Variants in RBFOX1 observed in about 807,000 individuals in gnomAD.
The protein encoded by RBFOX1 is RNA binding protein fox-1 homolog 1.
In RBFOX1, 8 loss-of-function variants were observed where a neutral mutation model predicts 57.7. The ratio of observed to expected loss-of-function variants is 0.14; its 90% CI spans 0.08 to 0.25. The LOEUF is 0.25. Ranked by LOEUF, RBFOX1 falls within the 10% of genes least tolerant of loss-of-function variation. The pLI is 1.00. For missense variants in RBFOX1, 611 were observed against 548.5 expected (o/e 1.11, Z -1.14); for synonymous variants, 326 against 222.4 (o/e 1.47, Z -4.15).
At chr16:6,102,219 G>A (rs1157020702) in intron 1 of RBFOX1, among the ~76,000 whole-genome samples, 1 of 149,026 alleles carries the variant, frequency 6.7e-6, no homozygotes, top group African/African-American at 2.5e-5. Flanking sequence ...GCATTTAGTG[G>A]AAACCTCTAG....
At chr16:7,472,306 A>G (rs1445443522) in intron 4 of RBFOX1, among the ~76,000 whole-genome samples, 1 of 139,654 alleles carries the variant, frequency 7.2e-6, no homozygotes, top group Non-Finnish European at 1.5e-5. Context: ...TGTATTTACC[A>G]AATTACCAAA....
chr16:5,538,977 AG>A (rs1166579662), intron 2 of RBFOX1, among the ~76,000 whole-genome samples: 1 of 152,180 alleles, frequency 6.6e-6, no homozygotes, highest in East Asian at 1.9e-4. Flanking sequence ...TGAAACCCAT[AG>A]CAGCACGGCT....
chr16:5,675,677 G>A (rs1360634454), intron 3 of RBFOX1, among the ~76,000 whole-genome samples: 7 of 152,212 alleles, frequency 4.6e-5, no homozygotes, highest in African/African-American at 1.7e-4. Context: ...CCCAGCCTAT[G>A]GATTTGCAAG....
At chr16:7,373,629 G>A (rs74010678) in intron 4 of RBFOX1, among the ~76,000 whole-genome samples, 1 of 151,812 alleles carries the variant, frequency 6.6e-6, no homozygotes, top group Non-Finnish European at 1.5e-5. Context: ...AGGAAACAGG[G>A]CTTCTGCTAT....
chr16:7,586,873 C>G (rs1332255247), intron 6 of RBFOX1, among the ~76,000 whole-genome samples: 1 of 152,218 alleles, frequency 6.6e-6, no homozygotes, highest in Non-Finnish European at 1.5e-5. Flanking sequence ...ATCAAAATCA[C>G]ATTTCATCAA....
At chr16:7,681,709 T>C (rs1391674134) in intron 14 of RBFOX1, among the ~76,000 whole-genome samples, 2 of 152,122 alleles carry the variant, frequency 1.3e-5, no homozygotes, top group African/African-American at 4.8e-5. Flanking sequence ...TTTATGGACA[T>C]TATGTTTTCA....
At chr16:6,980,733 A>T (rs1230979110) in intron 3 of RBFOX1, among the ~76,000 whole-genome samples, 1 of 152,140 alleles carries the variant, frequency 6.6e-6, no homozygotes, top group Non-Finnish European at 1.5e-5. Flanking sequence ...AGGGCAGATT[A>T]TATGTGGGAA....
At chr16:6,101,515 T>C (rs2096308049) in intron 1 of RBFOX1, among the ~76,000 whole-genome samples, 1 of 152,154 alleles carries the variant, frequency 6.6e-6, no homozygotes, top group Admixed American at 6.5e-5. Flanking sequence ...AGACAGAGTT[T>C]CGCTCTTGTT....
chr16:6,657,219 CTTCCTTCCTTCTTT>C (rs2098665197), intron 3 of RBFOX1, among the ~76,000 whole-genome samples: 3 of 151,594 alleles, frequency 2.0e-5, no homozygotes, highest in Non-Finnish European at 4.4e-5. Context: ...TTCCTCCCTC[CTTCCTTCCTTCTTT>C]TTCCTTCCTT....
chr16:6,500,496 A>G (rs557037748), intron 2 of RBFOX1, among the ~76,000 whole-genome samples: 53 of 152,326 alleles, frequency 3.5e-4, no homozygotes, highest in Non-Finnish European at 7.2e-4. Flanking sequence ...GAAGGTCTAC[A>G]CAGATCAACT....
chr16:7,487,759 C>T (rs1030716066), intron 4 of RBFOX1, among the ~76,000 whole-genome samples: 1 of 152,134 alleles, frequency 6.6e-6, no homozygotes, highest in Admixed American at 6.5e-5. Context: ...GTAAAAGTGC[C>T]TCCTCATTCA....
chr16:7,267,248 A>G (rs539932209), intron 4 of RBFOX1, among the ~76,000 whole-genome samples: 3 of 151,940 alleles, frequency 2.0e-5, no homozygotes, highest in Non-Finnish European at 4.4e-5. Context: ...AAAATACAAA[A>G]ATTTAGCTGG....
chr16:7,082,290 A>T (rs1014372105), intron 4 of RBFOX1, among the ~76,000 whole-genome samples: 2 of 152,006 alleles, frequency 1.3e-5, no homozygotes, highest in Non-Finnish European at 2.9e-5. Flanking sequence ...ATATTAAATG[A>T]AGGTTCCAGG....
intron 2 of RBFOX1, among the ~76,000 whole-genome samples, chr16:5,505,768 T>C (rs1167313682): frequency 6.6e-6 from 1 of 152,160 alleles, no homozygotes; most frequent in Admixed American, 6.5e-5. Flanking sequence ...GTGAAGTCCA[T>C]GGCTTTTGGA....
rs1042149252 is a variant in RBFOX1 at position 6,244,071 on chromosome 16, C to T, written c.-126-72924C>T. 2.6e-5 allele frequency among the ~76,000 whole-genome samples: 4 copies of T among 152,200 alleles called. No homozygotes were observed. In the South Asian group the frequency reaches 8.3e-4, roughly 32 times the overall value. ...TCTCTCATTTAGGGAGTTGTATTTCCATATATCTTGCCATCTTTACTAAAT... is the reference window on the plus strand; with the variant it reads ...TCTCTCATTTAGGGAGTTGTATTTCTATATATCTTGCCATCTTTACTAAAT... On this transcript the variant is annotated intron_variant, in intron 1 of 15. Transcript: ENST00000550418.
At chr16:7,446,750 A>G (rs963575088) in intron 4 of RBFOX1, among the ~76,000 whole-genome samples, 6 of 149,764 alleles carry the variant, frequency 4.0e-5, no homozygotes, top group Non-Finnish European at 7.4e-5. Context: ...CTCCACTGTC[A>G]ACTTAAGCTC....
chr16:7,200,092 T>A (rs1420518152), intron 4 of RBFOX1, among the ~76,000 whole-genome samples: 1 of 152,228 alleles, frequency 6.6e-6, no homozygotes, highest in Non-Finnish European at 1.5e-5. Context: ...TACATAATAG[T>A]GTCAGGGACA....
intron 4 of RBFOX1, among the ~76,000 whole-genome samples, chr16:5,984,966 ATATATATATATTTTTT>A (rs1174135742): frequency 5.3e-4 from 30 of 56,654 alleles, no homozygotes; most frequent in East Asian, 1.8e-3. Flanking sequence ...ATATATATAT[ATATATATATATTTTTT>A]TTTTTTTTTT....
At chr16:6,128,553 C>T (rs757988528) in intron 1 of RBFOX1, among the ~76,000 whole-genome samples, 2 of 152,212 alleles carry the variant, frequency 1.3e-5, no homozygotes, top group Non-Finnish European at 2.9e-5. Flanking sequence ...TGGTGCCAAG[C>T]ACTGTGACGT....
Sources: gnomAD v4.1 joint callset for allele counts (sites outside exome capture counted in the v4.1 genomes callset) on GRCh38, gnomAD v4.1.1 for gene constraint, MANE v1.5 for transcripts, NCBI Gene and HGNC (gene_info 2026-07-23, HGNC 2026-07-21) for gene names.